Variants in VGLL3 observed in about 807,000 individuals in gnomAD.
VGLL3 encodes the protein vestigial like family member 3.
In VGLL3, 18 loss-of-function variants were observed where a neutral mutation model predicts 29.2. The ratio of observed to expected loss-of-function variants is 0.62; its 90% CI spans 0.43 to 0.91. The LOEUF is 0.91. Ranked by LOEUF, VGLL3 falls within the 40% of genes least tolerant of loss-of-function variation. VGLL3 has a pLI of 0.00. For synonymous variants in VGLL3, 180 were observed against 151.8 expected, an observed-to-expected ratio of 1.19 and a Z score of -1.36; for missense variants, 440 against 413.2, an observed-to-expected ratio of 1.06 and a Z score of -0.56.
At chr3:86,955,420 T>C (rs1416129171) in intron 3 of VGLL3, among the ~76,000 whole-genome samples, 2 of 150,010 alleles carry the variant, frequency 1.3e-5, no homozygotes, top group African/African-American at 4.9e-5. Flanking sequence ...TCTCACTCTG[T>C]CACCCAGGCT....
chr3:86,975,561 T>A (rs908432974), intron 2 of VGLL3, among the ~76,000 whole-genome samples: 1 of 152,144 alleles, frequency 6.6e-6, no homozygotes, highest in Non-Finnish European at 1.5e-5. Context: ...TACCAAGAAA[T>A]TTTCTATTAA....
At chr3:86,952,077 G>T (rs972956563) in intron 3 of VGLL3, among the ~76,000 whole-genome samples, 14 of 152,146 alleles carry the variant, frequency 9.2e-5, no homozygotes, top group African/African-American at 3.1e-4. Flanking sequence ...TTATCAACTG[G>T]ACAGTTTTTA....
Position 86,941,446 on chromosome 3 carries a change from ATTG to A in VGLL3, c.*5575_*5577del, listed in dbSNP as rs1418246935. On this transcript the variant is annotated 3_prime_UTR_variant, in exon 4 of 4. Transcript: ENST00000398399. ...TTATGCCAAATTTAGTAGTCTAGAA[ATTG>A]TTTTTTTTTTTAAAAAAACAAATTG... is the stretch of plus-strand genomic sequence containing the variant. 1.3e-5 allele frequency: 2 copies of A among 152,144 alleles called. No homozygotes were observed. The highest frequency in any genetic ancestry group is 4.8e-5 in the African/African-American group (2 of 41,470). The allele number at this position is 152,144 out of a possible 1,614,324, so 9.4% of individuals were successfully genotyped here. A position where few individuals can be genotyped will look rare whatever the true frequency, so the allele number is the denominator to read the frequency against.
intron 1 of VGLL3, among the ~76,000 whole-genome samples, chr3:86,979,531 A>T (rs1471370448): frequency 6.6e-6 from 1 of 152,180 alleles, no homozygotes; most frequent in Non-Finnish European, 1.5e-5. Context: ...AGATTTGTTA[A>T]TTTAAAATGT....
intron 3 of VGLL3, 100 bp from the exon 4 acceptor site, chr3:86,947,167 A>G: frequency 1.4e-6 from 1 of 739,302 alleles, no homozygotes; most frequent in Non-Finnish European, 2.5e-6. Context: ...AACCAAAATG[A>G]TAATCCAGGC....
intron 3 of VGLL3, among the ~76,000 whole-genome samples, chr3:86,965,763 C>G (rs888561250): frequency 2.0e-5 from 3 of 152,046 alleles, no homozygotes; most frequent in Admixed American, 6.6e-5. Flanking sequence ...ATGTAAAAGC[C>G]CAACCCCCTT....
At chr3:86,989,748 A>G (rs140404795) in intron 1 of VGLL3, among the ~76,000 whole-genome samples, 1 of 152,100 alleles carries the variant, frequency 6.6e-6, no homozygotes, top group African/African-American at 2.4e-5. Context: ...TGCCACATAC[A>G]TTTTTTATTT....
chr3:86,954,026 A>T (rs182677541), intron 3 of VGLL3, among the ~76,000 whole-genome samples: 23 of 152,354 alleles, frequency 1.5e-4, no homozygotes, highest in Admixed American at 1.5e-3. Context: ...TACAAAAGAT[A>T]CCTAGCATGG....
rs971977044 is a variant in VGLL3 at position 86,938,372 on chromosome 3, A to G, written c.*8652T>C. 3.4e-4 allele frequency: 52 copies of G among 152,662 alleles called. No individual in the cohort carries two copies. Among genetic ancestry groups the G allele is most frequent in the African/African-American group, 1.2e-3 (51 of 41,462 alleles). The allele number at this position is 152,662 out of a possible 1,614,324, so 9.5% of individuals were successfully genotyped here. ...ACCATACATAGCTCATTTGAAAAAG[A>G]TTCTTAAGCTTTCAACAGAAGGAAT... On this transcript the variant is annotated 3_prime_UTR_variant, in exon 4 of 4. Coordinates refer to ENST00000398399, the MANE Select transcript of VGLL3 (RefSeq NM_016206.4).
intron 3 of VGLL3, 52 bp downstream of exon 3, chr3:86,968,538 T>G: frequency 6.5e-7 from 1 of 1,530,514 alleles, no homozygotes; most frequent in Admixed American, 2.1e-5. Flanking sequence ...TTTCCACCCT[T>G]TCTTAAATTA....
chr3:86,938,899 T>C lies in VGLL3; in HGVS notation c.*8125A>G, dbSNP rs1378332541. ...GAGACTTAGGACATCGCAAGATGGG[T>C]CTAAGTTCCCAAAAAAGGAAGCAAA... On this transcript the variant is annotated 3_prime_UTR_variant, in exon 4 of 4. Coordinates refer to ENST00000398399, the MANE Select transcript of VGLL3 (RefSeq NM_016206.4). The C allele has an allele frequency of 6.6e-5, 10 of 152,106 alleles. No homozygotes were observed. Among genetic ancestry groups the C allele is most frequent in the Admixed American group, 1.3e-4 (2 of 15,264 alleles). 9.4% of individuals were successfully genotyped at this position (152,106 alleles called of 1,614,324 possible).
rs1704491148 is a variant in VGLL3, at chr3:86,945,588, C to G, written c.*1436G>C. The G allele has an allele frequency of 6.6e-6, 1 of 152,148 alleles. No homozygotes were observed. Among genetic ancestry groups the G allele is most frequent in the South Asian group, 2.1e-4 (1 of 4,824 alleles). 9.4% of individuals were successfully genotyped at this position (152,148 alleles called of 1,614,324 possible). Reference sequence around the variant, plus strand: ...GTTACTTTCATAATCTTAATCTTCTCCTAGCAGTGTCTTAATGATAATTTA... The same window carrying G: ...GTTACTTTCATAATCTTAATCTTCTGCTAGCAGTGTCTTAATGATAATTTA... On this transcript the variant is annotated 3_prime_UTR_variant, in exon 4 of 4. Transcript: ENST00000398399.
chr3:86,952,273 TAATA>T (rs1050799083), intron 3 of VGLL3, among the ~76,000 whole-genome samples: 3 of 152,094 alleles, frequency 2.0e-5, no homozygotes, highest in African/African-American at 7.2e-5. Context: ...TAGATAGAAA[TAATA>T]AATAAACATT....
At chr3:86,970,626 G>T (rs939044672) in intron 2 of VGLL3, among the ~76,000 whole-genome samples, 19 of 151,956 alleles carry the variant, frequency 1.3e-4, no homozygotes, top group African/African-American at 3.9e-4. Flanking sequence ...GTGTAGACTT[G>T]CTGGCCATGG....
At position 86,941,796 on chromosome 3, in the gene VGLL3, GAAAAA is replaced by G. The variant is rs376141762; in HGVS notation, c.*5223_*5227del. ...CCAGAGAGCACTACAAGATTCAAAA[GAAAAA>G]AAAAACCTGCTAAAAAATTCTAAAT... On this transcript the variant is annotated 3_prime_UTR_variant, in exon 4 of 4. Transcript: ENST00000398399. The G allele has an allele frequency of 2.0e-5, 3 of 147,296 alleles. No individual in the cohort carries two copies. The highest frequency in any genetic ancestry group is 1.4e-4 in the Admixed American group (2 of 14,790). The allele number at this position is 147,296 out of a possible 1,614,324, so 9.1% of individuals were successfully genotyped here.
chr3:86,988,640 C>CAAAAAAAAAAAAAAAAAAAAAAAAA (rs869098443), intron 1 of VGLL3, among the ~76,000 whole-genome samples: 2 of 13,770 alleles, frequency 1.5e-4, no homozygotes, highest in Non-Finnish European at 2.9e-4. Context: ...TTTACTTGAC[C>CAAAAAAAAAAAAAAAAAAAAAAAAA]AAAAAAAAAA....
intron 1 of VGLL3, chr3:86,990,415 C>T: frequency 1.0e-6 from 1 of 983,156 alleles, no homozygotes; most frequent in Non-Finnish European, 1.2e-6. Context: ...AAGCCCCCAG[C>T]TAGGTCATGC....
chr3:86,954,689 TG>T (rs1704681310), intron 3 of VGLL3, among the ~76,000 whole-genome samples: 1 of 152,130 alleles, frequency 6.6e-6, no homozygotes. Flanking sequence ...AATAACCTCT[TG>T]GGTGATAGAA....
chr3:86,962,074 A>G (rs1051224394), intron 3 of VGLL3: 1 of 985,198 alleles, frequency 1.0e-6, no homozygotes, highest in Admixed American at 6.1e-5. Context: ...TATTTTTCCT[A>G]TGGAACCCAT....
Sources: gnomAD v4.1 joint callset for allele counts (sites outside exome capture counted in the v4.1 genomes callset) on GRCh38, gnomAD v4.1.1 for gene constraint, MANE v1.5 for transcripts, NCBI Gene and HGNC (gene_info 2026-07-23, HGNC 2026-07-21) for gene names.